The following BICC1 variants were observed in gnomAD, a reference collection of about 807,000 sequenced individuals.
The protein encoded by BICC1 is BicC family RNA binding protein 1, also known as protein bicaudal C homolog 1.
BICC1 carries 43 observed loss-of-function variants against 111.0 expected under a neutral mutation model. That is an observed-to-expected ratio of 0.39 (90% CI 0.30 to 0.50). The LOEUF (loss-of-function observed/expected upper bound fraction) is 0.50. Ranked by LOEUF, BICC1 falls within the 20% of genes least tolerant of loss-of-function variation. BICC1 has a pLI of 0.88. For synonymous variants in BICC1, 467 were observed against 434.4 expected, an observed-to-expected ratio of 1.07 and a Z score of -0.93; for missense variants, 1,091 against 1,203.2, an observed-to-expected ratio of 0.91 and a Z score of 1.38.
intron 2 of BICC1, among the ~76,000 whole-genome samples, chr10:58,675,641 G>C (rs1002095930): frequency 3.3e-5 from 5 of 152,100 alleles, no homozygotes; most frequent in Non-Finnish European, 5.9e-5. Flanking sequence ...TGGGTCAAAG[G>C]GTACAAACTT....
At chr10:58,806,821 T>C (rs185540209) in intron 16 of BICC1, among the ~76,000 whole-genome samples, 183 bp from the exon 17 acceptor site, 1 of 152,334 alleles carries the variant, frequency 6.6e-6, no homozygotes, top group East Asian at 1.9e-4. Flanking sequence ...TCATTTAGCA[T>C]TTTTTCATTT....
At chr10:58,641,502 A>G (rs6481416) in intron 2 of BICC1, among the ~76,000 whole-genome samples, 151,745 of 151,958 alleles carry the variant, frequency 1, 75,766 homozygotes, top group Middle Eastern at 1. Flanking sequence ...AACAAACACT[A>G]TTACCAAATA....
chr10:58,669,809 A>G (rs1469627707), intron 2 of BICC1, among the ~76,000 whole-genome samples: 1 of 152,190 alleles, frequency 6.6e-6, no homozygotes, highest in East Asian at 1.9e-4. Context: ...ACATGGTGTT[A>G]AAATATTTCT....
intron 3 of BICC1, among the ~76,000 whole-genome samples, chr10:58,706,222 A>G (rs1840383428): frequency 2.0e-5 from 3 of 152,206 alleles, no homozygotes; most frequent in Non-Finnish European, 2.9e-5. Context: ...AATTTTGAAC[A>G]TGCTATTCTG....
intron 1 of BICC1, among the ~76,000 whole-genome samples, chr10:58,615,072 A>G (rs1845555484): frequency 6.6e-6 from 1 of 152,026 alleles, no homozygotes; most frequent in Non-Finnish European, 1.5e-5. Flanking sequence ...AGAATTGGCT[A>G]AGTGCCCCCC....
intron 3 of BICC1, among the ~76,000 whole-genome samples, chr10:58,752,136 A>G (rs1267792170): frequency 1.3e-5 from 2 of 152,148 alleles, no homozygotes; most frequent in Non-Finnish European, 2.9e-5. Context: ...CAAAGAGCAA[A>G]CCCACTTTGC....
chr10:58,620,357 G>A (rs1232999008), intron 1 of BICC1, among the ~76,000 whole-genome samples: 1 of 150,914 alleles, frequency 6.6e-6, no homozygotes, highest in African/African-American at 2.4e-5. Flanking sequence ...TTCTCTCTTT[G>A]TATATACAAA....
intron 2 of BICC1, among the ~76,000 whole-genome samples, chr10:58,674,109 T>G (rs1044964614): frequency 2.0e-5 from 3 of 152,248 alleles, no homozygotes; most frequent in African/African-American, 7.2e-5. Context: ...AATTTGGTTT[T>G]GTAGCTTCTC....
chr10:58,660,327 C>T (rs542715008), intron 2 of BICC1, among the ~76,000 whole-genome samples: 1 of 152,276 alleles, frequency 6.6e-6, no homozygotes, highest in African/African-American at 2.4e-5. Flanking sequence ...TAATAGGGGA[C>T]ACATTTCCTG....
chr10:58,657,844 A>G (rs145277510), intron 2 of BICC1, among the ~76,000 whole-genome samples: 10 of 152,268 alleles, frequency 6.6e-5, no homozygotes, highest in African/African-American at 2.4e-4. Context: ...ACATATTATT[A>G]CAATGTGTGG....
intron 1 of BICC1, among the ~76,000 whole-genome samples, chr10:58,534,307 A>G (rs773557737): frequency 2.0e-5 from 3 of 151,662 alleles, no homozygotes; most frequent in Non-Finnish European, 4.4e-5. Context: ...AACTAAACAG[A>G]AAAACTGAAA....
chr10:58,513,467 G>T, intron 1 of BICC1, 134 bp downstream of exon 1: 1 of 837,124 alleles, frequency 1.2e-6, no homozygotes, highest in Non-Finnish European at 1.8e-6. Flanking sequence ...CTCCCCCGCG[G>T]AGCCGGAGGA....
At chr10:58,655,895 G>T (rs931742026) in intron 2 of BICC1, among the ~76,000 whole-genome samples, 1 of 151,990 alleles carries the variant, frequency 6.6e-6, no homozygotes, top group African/African-American at 2.4e-5. Context: ...TAGCATGAAG[G>T]GTTGTTGAAA....
chr10:58,560,931 G>A (rs778779812), intron 1 of BICC1, among the ~76,000 whole-genome samples: 1 of 151,940 alleles, frequency 6.6e-6, no homozygotes, highest in African/African-American at 2.4e-5. Flanking sequence ...AAAATAGGTT[G>A]AGGCTTGTTT....
rs193296842 is a variant in BICC1 at position 58,729,587 on chromosome 10, A to G, written c.307+27444A>G. The stretch of plus-strand genomic sequence containing the variant: ...CCTGAGACTGGGTAATTTATAAAGA[A>G]AAGAGGTTTAATTGGCTCATGATTC... On this transcript the variant is annotated intron_variant, in intron 3 of 20. Coordinates refer to ENST00000373886, the MANE Select transcript of BICC1 (RefSeq NM_001080512.3). Among the ~76,000 whole-genome samples, 1,208 of 152,300 alleles carry G rather than the reference A, an allele frequency of 7.9e-3. 10 individuals are homozygous for G. Among genetic ancestry groups the G allele is most frequent in the Non-Finnish European group, 0.014 (929 of 68,010 alleles).
At chr10:58,735,831 G>A (rs1003642283) in intron 3 of BICC1, among the ~76,000 whole-genome samples, 7 of 152,140 alleles carry the variant, frequency 4.6e-5, no homozygotes, top group African/African-American at 1.7e-4. Context: ...CAAGGTAACT[G>A]GATTAAAATG....
At chr10:58,545,714 G>T (rs1215077750) in intron 1 of BICC1, among the ~76,000 whole-genome samples, 4 of 152,084 alleles carry the variant, frequency 2.6e-5, no homozygotes, top group African/African-American at 9.7e-5. Context: ...GTAGAAGGAC[G>T]CTTGAGTTCA....
intron 1 of BICC1, among the ~76,000 whole-genome samples, chr10:58,528,719 T>C (rs1842607711): frequency 6.6e-6 from 1 of 151,928 alleles, no homozygotes; most frequent in Non-Finnish European, 1.5e-5. Context: ...CTTCGCCACC[T>C]TGGACAGCCT....
intron 2 of BICC1, among the ~76,000 whole-genome samples, chr10:58,635,085 TA>T (rs1403363631): frequency 6.6e-6 from 1 of 152,206 alleles, no homozygotes; most frequent in East Asian, 1.9e-4. Flanking sequence ...ACTGTATATG[TA>T]TTTTGTGTAT....
Sources: gnomAD v4.1 joint callset for allele counts (sites outside exome capture counted in the v4.1 genomes callset) on GRCh38, gnomAD v4.1.1 for gene constraint, MANE v1.5 for transcripts, NCBI Gene and HGNC (gene_info 2026-07-23, HGNC 2026-07-21) for gene names.